ERBB4: variants seen among roughly 807,000 people sequenced by gnomAD.
ERBB4 encodes the protein receptor tyrosine-protein kinase erbB-4.
A neutral mutation model predicts 158.0 loss-of-function variants in ERBB4; 42 were observed. The ratio of observed to expected loss-of-function variants is 0.27; its 90% CI spans 0.21 to 0.34. ERBB4 has a LOEUF of 0.34. ERBB4 is among the 10% of genes least tolerant of loss of function. The probability of loss-of-function intolerance (pLI) is 1.00; values close to 1 mark genes in which losing one functional copy is unlikely to be tolerated. For synonymous variants in ERBB4, 583 were observed against 558.7 expected, an observed-to-expected ratio of 1.04 and a Z score of -0.61; for missense variants, 1,333 against 1,624.1, an observed-to-expected ratio of 0.82 and a Z score of 3.08.
At chr2:211,861,042 T>C (rs375486124) in intron 3 of ERBB4, among the ~76,000 whole-genome samples, 3,845 of 11,036 alleles carry the variant, frequency 0.35, 585 homozygotes, top group Middle Eastern at 0.5. Flanking sequence ...ATAATATATT[T>C]ATATATTTAT....
intron 1 of ERBB4, among the ~76,000 whole-genome samples, chr2:212,179,399 A>G (rs1232079399): frequency 1.3e-5 from 2 of 151,384 alleles, no homozygotes; most frequent in Non-Finnish European, 3.0e-5. Flanking sequence ...CAAATAGTAA[A>G]GAATAGGCTA....
chr2:211,664,878 T>C (rs76933998), intron 15 of ERBB4, among the ~76,000 whole-genome samples: 3,526 of 152,262 alleles, frequency 0.023, 135 homozygotes, highest in African/African-American at 0.079. Flanking sequence ...GAAGGAGTAA[T>C]TTAAGGTAGT....
intron 1 of ERBB4, among the ~76,000 whole-genome samples, chr2:212,331,721 C>T (rs921554000): frequency 2.0e-5 from 3 of 151,950 alleles, no homozygotes; most frequent in African/African-American, 7.2e-5. Flanking sequence ...CAGAGAAGTA[C>T]AGATTTTAAA....
intron 20 of ERBB4, among the ~76,000 whole-genome samples, chr2:211,467,325 G>A (rs896412697): frequency 6.6e-6 from 1 of 152,176 alleles, no homozygotes; most frequent in Non-Finnish European, 1.5e-5. Flanking sequence ...ACAAATAGGA[G>A]CACTGGTATC....
At chr2:212,075,822 T>C (rs950901714) in intron 2 of ERBB4, among the ~76,000 whole-genome samples, 2 of 151,896 alleles carry the variant, frequency 1.3e-5, no homozygotes, top group Non-Finnish European at 2.9e-5. Flanking sequence ...ATATGAAAAG[T>C]TCTCTTCACT....
chr2:212,356,720 T>TA, intron 1 of ERBB4, among the ~76,000 whole-genome samples: 1 of 149,318 alleles, frequency 6.7e-6, no homozygotes, highest in South Asian at 2.1e-4. Flanking sequence ...TGAACCCATG[T>TA]AAAAAAAAAA....
At chr2:212,420,569 A>C (rs913367493) in intron 1 of ERBB4, among the ~76,000 whole-genome samples, 6 of 152,262 alleles carry the variant, frequency 3.9e-5, no homozygotes, top group African/African-American at 1.2e-4. Context: ...TTGAATCATA[A>C]GCACACAGGC....
chr2:212,005,922 T>C (rs938688010), intron 2 of ERBB4, among the ~76,000 whole-genome samples: 19 of 152,022 alleles, frequency 1.2e-4, no homozygotes, highest in Non-Finnish European at 2.6e-4. Flanking sequence ...TCAATTCTAC[T>C]TAAAAAATAA....
intron 1 of ERBB4, among the ~76,000 whole-genome samples, chr2:212,283,517 T>C (rs1468190378): frequency 6.6e-6 from 1 of 151,948 alleles, no homozygotes; most frequent in Non-Finnish European, 1.5e-5. Flanking sequence ...CTTGGTTTCA[T>C]GCAAAATAAG....
chr2:211,773,363 A>C (rs1160033188), intron 4 of ERBB4, among the ~76,000 whole-genome samples: 3 of 151,476 alleles, frequency 2.0e-5, no homozygotes, highest in Admixed American at 6.6e-5. Context: ...ATAAATGTTT[A>C]CTTTTTATGT....
chr2:212,368,549 C>T (rs2089974108), intron 1 of ERBB4, among the ~76,000 whole-genome samples: 1 of 151,966 alleles, frequency 6.6e-6, no homozygotes, highest in Non-Finnish European at 1.5e-5. Context: ...GTAACCAAAT[C>T]CCACCTTTAC....
intron 19 of ERBB4, among the ~76,000 whole-genome samples, chr2:211,570,657 T>G (rs2067696691): frequency 6.6e-6 from 1 of 152,164 alleles, no homozygotes. Context: ...ACCTTCACTG[T>G]GCTTACCACC....
intron 2 of ERBB4, among the ~76,000 whole-genome samples, chr2:212,067,272 T>C (rs1161882854): frequency 2.0e-5 from 3 of 151,964 alleles, no homozygotes; most frequent in African/African-American, 7.2e-5. Context: ...TATACGTGTA[T>C]TTGTGCTGCA....
chr2:212,512,244 A>G (rs1232429987), intron 1 of ERBB4, among the ~76,000 whole-genome samples: 4 of 152,054 alleles, frequency 2.6e-5, no homozygotes, highest in South Asian at 2.1e-4. Context: ...AGTTGACTTA[A>G]ATCCTGACTT....
At position 212,373,943 on chromosome 2, in the gene ERBB4, A is replaced by G. The variant is rs1379156769; in HGVS notation, c.82+164506T>C. ...TATATATATATCCATATATATCCAT[A>G]TATATATCATATATATATCCATATA... is the stretch of plus-strand genomic sequence containing the variant. On this transcript the variant is annotated intron_variant, in intron 1 of 27. Coordinates refer to ENST00000342788, the MANE Select transcript of ERBB4 (RefSeq NM_005235.3). 5.1e-5 allele frequency among the ~76,000 whole-genome samples: 4 copies of G among 78,826 alleles called. No homozygotes were observed. The South Asian group carries it at 1.7e-3, about 33-fold the overall frequency. The allele number at this position is 78,826 out of a possible 152,430, so 51.7% of individuals were successfully genotyped here. A position where few individuals can be genotyped will look rare whatever the true frequency, so the allele number is the denominator to read the frequency against.
intron 2 of ERBB4, among the ~76,000 whole-genome samples, chr2:212,113,461 C>A (rs182406633): frequency 7.3e-5 from 11 of 150,622 alleles, no homozygotes; most frequent in Admixed American, 6.6e-4. Flanking sequence ...GCAGTCCCAG[C>A]TACTTGGGAG....
intron 1 of ERBB4, among the ~76,000 whole-genome samples, chr2:212,476,239 A>G (rs2106140722): frequency 6.6e-6 from 1 of 152,128 alleles, no homozygotes; most frequent in Middle Eastern, 3.4e-3. Flanking sequence ...TAATTTATAA[A>G]TTTAATAACT....
chr2:211,886,662 T>C (rs939753388), intron 3 of ERBB4, among the ~76,000 whole-genome samples: 3 of 152,216 alleles, frequency 2.0e-5, no homozygotes, highest in African/African-American at 7.2e-5. Flanking sequence ...GGCTATGCTG[T>C]AATTATATTT....
intron 5 of ERBB4, 81 bp downstream of exon 5, chr2:211,750,558 T>G: frequency 8.2e-7 from 1 of 1,217,618 alleles, no homozygotes; most frequent in Non-Finnish European, 1.2e-6. Context: ...ATGTTTTAGA[T>G]GACCAGAGGC....
Sources: allele counts gnomAD v4.1 joint callset (sites outside exome capture counted in the v4.1 genomes callset), GRCh38; gene constraint gnomAD v4.1.1; transcripts MANE v1.5; gene names NCBI Gene and HGNC (gene_info 2026-07-23, HGNC 2026-07-21).